Variants in LPIN1 observed in about 807,000 individuals in gnomAD.
The protein encoded by LPIN1 is phosphatidate phosphatase LPIN1.
A neutral mutation model predicts 107.5 loss-of-function variants in LPIN1; 71 were observed. That is an observed-to-expected ratio of 0.66 (90% CI 0.55 to 0.80). The LOEUF (loss-of-function observed/expected upper bound fraction) is 0.80, where lower values mean the gene tolerates loss of function less well. Ranked by LOEUF, LPIN1 falls within the 30% of genes least tolerant of loss-of-function variation. The pLI is 0.00. For synonymous variants in LPIN1, 445 were observed against 452.6 expected (o/e 0.98, Z 0.21); for missense variants, 1,043 against 1,160.6 (o/e 0.90, Z 1.47).
At chr2:11,703,992 G>A (rs1245681326) in intron 1 of LPIN1, among the ~76,000 whole-genome samples, 1 of 152,196 alleles carries the variant, frequency 6.6e-6, no homozygotes, top group African/African-American at 2.4e-5. Flanking sequence ...TGCTGCCTTG[G>A]TGGGGGTGGC....
rs186842447 is a variant in LPIN1 at position 11,739,975 on chromosome 2, C to T, written c.-71-1374C>T. Among the ~76,000 whole-genome samples, 3 of 152,232 alleles carry T rather than the reference C, an allele frequency of 2.0e-5. No homozygotes were observed. The East Asian group carries it at 5.8e-4, about 29-fold the overall frequency. On this transcript the variant is annotated intron_variant, in intron 1 of 21. Coordinates refer to the LPIN1 transcript ENST00000396097. ...AGGGGATTTAATTTGGAAATTGGCT[C>T]ACATGATTATGGAGGCTGAGAAGTC...
At chr2:11,789,777 T>A (rs1162350404) in intron 12 of LPIN1, among the ~76,000 whole-genome samples, 1 of 151,970 alleles carries the variant, frequency 6.6e-6, no homozygotes, top group Non-Finnish European at 1.5e-5. Flanking sequence ...AAAAAGGCCA[T>A]TGCAATAGCA....
At chr2:11,799,121 G>A (rs529742186) in intron 14 of LPIN1, among the ~76,000 whole-genome samples, 42 of 152,292 alleles carry the variant, frequency 2.8e-4, no homozygotes, top group African/African-American at 9.4e-4. Context: ...CGTGGCAGCC[G>A]CAAATGACCG....
intron 1 of LPIN1, chr2:11,763,257 GC>G (rs1670133200): frequency 1.3e-5 from 2 of 152,596 alleles, no homozygotes; most frequent in Non-Finnish European, 2.9e-5. Flanking sequence ...GAGGACTCCC[GC>G]CTGCCATGAC....
At chr2:11,738,992 C>T (rs1182794746) in intron 1 of LPIN1, among the ~76,000 whole-genome samples, 1 of 152,212 alleles carries the variant, frequency 6.6e-6, no homozygotes, top group Non-Finnish European at 1.5e-5. Flanking sequence ...GTCTTCCTTT[C>T]AAAAAGAGGC....
At chr2:11,687,441 G>A (rs1404968247) in intron 1 of LPIN1, among the ~76,000 whole-genome samples, 1 of 152,176 alleles carries the variant, frequency 6.6e-6, no homozygotes, top group Non-Finnish European at 1.5e-5. Flanking sequence ...GCTCAGGGAG[G>A]GGCAGGCGGA....
At position 11,771,259 on chromosome 2, in the gene LPIN1, C is replaced by A; in HGVS notation, c.289-113C>A. 1 of 1,027,958 alleles carries A rather than the reference C, an allele frequency of 9.7e-7. No individual in the cohort carries two copies. The allele number at this position is 1,027,958 out of a possible 1,614,324, so 63.7% of individuals were successfully genotyped here. On this transcript the variant is annotated intron_variant, in intron 3 of 20. Transcript: ENST00000674199. The surrounding 1 kb of genome is among the most constrained non-coding windows in gnomAD (Gnocchi z 4.8). ...CTCTAGCTGGGCCATCTGCTGTGGC[C>A]CTCCCCAGGAGGTGCTTGGCCTCTG...
At chr2:11,763,252 C>G (rs1421883139) in intron 1 of LPIN1, 1 of 152,668 alleles carries the variant, frequency 6.6e-6, no homozygotes, top group African/African-American at 2.4e-5. Context: ...GGCTGGAGGA[C>G]TCCCGCCTGC....
chr2:11,695,292 A>G (rs1256036985), intron 1 of LPIN1, among the ~76,000 whole-genome samples: 1 of 152,236 alleles, frequency 6.6e-6, no homozygotes. Flanking sequence ...GAAAAAAATG[A>G]AGCAAGGTAC....
chr2:11,691,804 A>G (rs1160160813), intron 1 of LPIN1, among the ~76,000 whole-genome samples: 1 of 152,258 alleles, frequency 6.6e-6, no homozygotes, highest in East Asian at 1.9e-4. Context: ...CCTCCATCCA[A>G]GTTGATTTCC....
At chr2:11,755,807 C>T (rs1226852408) in intron 1 of LPIN1, among the ~76,000 whole-genome samples, 1 of 151,502 alleles carries the variant, frequency 6.6e-6, no homozygotes, top group Non-Finnish European at 1.5e-5. Context: ...CTGCAAGCTG[C>T]GCCTCCTGGG....
intron 1 of LPIN1, among the ~76,000 whole-genome samples, chr2:11,728,396 A>AT (rs765903411): frequency 1.2e-3 from 175 of 152,010 alleles, no homozygotes; most frequent in Non-Finnish European, 2.3e-3. Context: ...ATTAAAAAAA[A>AT]TTTTTAGACA....
chr2:11,784,966 G>A lies in LPIN1; in HGVS notation c.1439G>A (p.Ser480Asn), dbSNP rs754372493. 1.2e-6 allele frequency: 2 copies of A among 1,613,954 alleles called. No homozygotes were observed. Among genetic ancestry groups the A allele is most frequent in the South Asian group, 2.2e-5 (2 of 91,068 alleles). ...AACCAGTCCCCGCAGTCGGTGGGCA[G>A]CTCGGGCGTGGACAGTGGCGTGGAG... ...SANQSPQSVG[S>N]SGVDSGVEST... The change falls in exon 10 of 21, where the codon AGC becomes AAC. Residue 480 changes from serine to asparagine, a missense_variant. By Grantham distance (46) the Ser-to-Asn change is conservative (BLOSUM62 1). Transcript: ENST00000674199.
upstream of LPIN1, among the ~76,000 whole-genome samples, chr2:11,720,723 C>G (rs924872240): frequency 6.6e-6 from 1 of 151,758 alleles, no homozygotes; most frequent in Non-Finnish European, 1.5e-5. Flanking sequence ...CAGTGGCTGC[C>G]GACATGTGGT....
chr2:11,716,195 G>T (rs774839461), intron 2 of LPIN1, among the ~76,000 whole-genome samples: 4 of 152,154 alleles, frequency 2.6e-5, no homozygotes, highest in Non-Finnish European at 4.4e-5. Flanking sequence ...GCTGGAGGGC[G>T]CATGGCATGG....
chr2:11,755,794 T>C (rs1668588226), intron 1 of LPIN1, among the ~76,000 whole-genome samples: 1 of 151,320 alleles, frequency 6.6e-6, no homozygotes, highest in Non-Finnish European at 1.5e-5. Flanking sequence ...CCGTCTCGGC[T>C]CACTGCAAGC....
Position 11,802,967 on chromosome 2 carries a change from A to C in LPIN1, c.1947A>C (p.Ala649=). The C allele has an allele frequency of 6.2e-7, 1 of 1,613,400 alleles. No individual in the cohort carries two copies. The change falls in exon 15 of 21, where the codon GCA becomes GCC. Residue 649 remains alanine (A), a synonymous_variant. Transcript: ENST00000674199. The part of the protein sequence containing the change: ...EERAAAKPSN[A]GHLPLLPNVS... ...GCGCAGCTGCCAAGCCATCAAACGC[A>C]GGCCACCTCCCTCTTCTGCCTAATG...
At chr2:11,781,751 G>A (rs1673603614) in intron 7 of LPIN1, among the ~76,000 whole-genome samples, 1 of 152,226 alleles carries the variant, frequency 6.6e-6, no homozygotes, top group Admixed American at 6.5e-5. Flanking sequence ...CCAGCAGCAT[G>A]GAAACCCCCA....
At chr2:11,814,511 C>CGTGTGTGTGT (rs1558297645) in intron 17 of LPIN1, among the ~76,000 whole-genome samples, 1 of 94,864 alleles carries the variant, frequency 1.1e-5, no homozygotes, top group African/African-American at 4.6e-5. Context: ...GGTGTGTGTG[C>CGTGTGTGTGT]ATGTGTGTGT....
Sources: gnomAD v4.1 joint callset for allele counts (sites outside exome capture counted in the v4.1 genomes callset) on GRCh38, gnomAD v4.1.1 for gene constraint, Gnocchi (gnomAD v3.1) non-coding constraint, MANE v1.5 for transcripts, NCBI Gene and HGNC (gene_info 2026-07-23, HGNC 2026-07-21) for gene names.